The following GTF2IRD2B variants were observed in gnomAD, a reference collection of about 807,000 sequenced individuals.
GTF2IRD2B encodes the protein GTF2I repeat domain containing 2B.
A neutral mutation model predicts 55.6 loss-of-function variants in GTF2IRD2B; 10 were observed. The observed-to-expected ratio is 0.18, with a 90% CI of 0.11 to 0.31. The LOEUF (loss-of-function observed/expected upper bound fraction) is 0.31. Ranked by LOEUF, GTF2IRD2B falls within the 10% of genes least tolerant of loss-of-function variation. The pLI, the probability that GTF2IRD2B is intolerant of heterozygous loss-of-function variation, is 1.00. For missense variants in GTF2IRD2B, 206 were observed against 802.7 expected, an observed-to-expected ratio of 0.26 and a Z score of 8.98; for synonymous variants, 107 against 320.5, an observed-to-expected ratio of 0.33 and a Z score of 7.12.
intron 3 of GTF2IRD2B, among the ~76,000 whole-genome samples, chr7:75,119,232 G>C (rs372948767): frequency 4.0e-5 from 1 of 24,860 alleles, no homozygotes; most frequent in African/African-American, 1.4e-4. Flanking sequence ...AAAAAAAAAA[G>C]AATGAAATGA....
intron 8 of GTF2IRD2B, among the ~76,000 whole-genome samples, chr7:75,127,089 A>G (rs1808543163): frequency 6.6e-6 from 1 of 150,648 alleles, no homozygotes; most frequent in South Asian, 2.1e-4. Context: ...CTTTTGTTTT[A>G]TCAAATAAAT....
intron 3 of GTF2IRD2B, among the ~76,000 whole-genome samples, chr7:75,113,865 T>A (rs1438441280): frequency 7.3e-6 from 1 of 136,858 alleles, no homozygotes; most frequent in Admixed American, 7.5e-5. Context: ...GTATATAAAG[T>A]GTGTGTGTGT....
chr7:75,112,400 AAAG>A lies in GTF2IRD2B; in HGVS notation c.106_108del (p.Glu36del). 2 of 501,018 alleles carry A rather than the reference AAAG, an allele frequency of 4.0e-6. No individual in the cohort carries two copies. Among genetic ancestry groups the A allele is most frequent in the Non-Finnish European group, 6.9e-6 (2 of 291,334 alleles). The allele number at this position is 501,018 out of a possible 1,614,324, so 31.0% of individuals were successfully genotyped here. On this transcript the variant is annotated inframe_deletion, in exon 3 of 16. Transcript: ENST00000472837. ...TCGCTTTTTGTTTCTGTTTCAGTGT[AAAG>A]AACTGGCCAAGTCCAAGGCAGAAGT...
intron 4 of GTF2IRD2B, among the ~76,000 whole-genome samples, chr7:75,122,595 G>A (rs1341419083): frequency 2.7e-3 from 284 of 106,328 alleles, no homozygotes; most frequent in South Asian, 4.1e-3. Context: ...GTGAAACTCC[G>A]TCTCTACTAA....
intron 9 of GTF2IRD2B, among the ~76,000 whole-genome samples, chr7:75,134,309 G>C (rs1279185348): frequency 1.4e-5 from 2 of 140,062 alleles, no homozygotes; most frequent in Admixed American, 6.8e-5. Flanking sequence ...GATCGCTTGA[G>C]TCTGGGAGGT....
intron 4 of GTF2IRD2B, among the ~76,000 whole-genome samples, chr7:75,122,656 C>T (rs1203699255): frequency 9.0e-6 from 1 of 110,600 alleles, no homozygotes; most frequent in Admixed American, 9.9e-5. Context: ...ATGCCAGCTA[C>T]TCAGGAGGCA....
chr7:75,113,861 AAAGT>A (rs1808051474), intron 3 of GTF2IRD2B, among the ~76,000 whole-genome samples: 1 of 140,610 alleles, frequency 7.1e-6, no homozygotes, highest in African/African-American at 2.7e-5. Context: ...GAGGGTATAT[AAAGT>A]GTGTGTGTGT....
rs1261616750 is a variant in GTF2IRD2B at position 75,136,153 on chromosome 7, T to C, written c.806-632T>C. The stretch of plus-strand genomic sequence containing the variant: ...GAGACTGTCTCAATAATGATAATAA[T>C]AATAATAATAATAATAATAAAGATT... On this transcript the variant is annotated intron_variant, in intron 10 of 15. Transcript: ENST00000472837. 7.3e-5 allele frequency among the ~76,000 whole-genome samples: 9 copies of C among 123,396 alleles called. 1 individual carries two copies. Among genetic ancestry groups the C allele is most frequent in the African/African-American group, 1.5e-4 (4 of 26,432 alleles). The allele number at this position is 123,396 out of a possible 152,430, so 81.0% of individuals were successfully genotyped here.
At chr7:75,105,419 G>T (rs1441227652) in intron 1 of GTF2IRD2B, among the ~76,000 whole-genome samples, 4 of 152,410 alleles carry the variant, frequency 2.6e-5, no homozygotes, top group African/African-American at 9.6e-5. Flanking sequence ...CAGGAGAATC[G>T]CTCGAACCCA....
intron 3 of GTF2IRD2B, among the ~76,000 whole-genome samples, chr7:75,118,380 C>A (rs1290180457): frequency 6.6e-6 from 1 of 151,234 alleles, no homozygotes; most frequent in Non-Finnish European, 1.5e-5. Context: ...TTGCCAGCCA[C>A]CACATGGACA....
At chr7:75,103,643 C>T (rs1208123228) in intron 1 of GTF2IRD2B, among the ~76,000 whole-genome samples, 1 of 151,728 alleles carries the variant, frequency 6.6e-6, no homozygotes, top group Non-Finnish European at 1.5e-5. Context: ...CACCCATTTC[C>T]AGAGAGCAGG....
intron 3 of GTF2IRD2B, among the ~76,000 whole-genome samples, chr7:75,113,781 GGT>G (rs71519356): frequency 0.058 from 4,647 of 79,906 alleles, 188 homozygotes; most frequent in African/African-American, 0.12. Flanking sequence ...AGGGTATAAG[GGT>G]GTGTGTGTGT....
chr7:75,127,117 C>G (rs1554452545), intron 8 of GTF2IRD2B, among the ~76,000 whole-genome samples: 1 of 150,402 alleles, frequency 6.6e-6, no homozygotes, highest in East Asian at 1.9e-4. Flanking sequence ...TAAATAAAGA[C>G]CAGGGCGTGA....
In GTF2IRD2B at chr7:75,148,520, C is replaced by T. The variant is rs1554454602; in HGVS notation, c.2073C>T (p.Phe691=). ...ICSRGLNHSE[F]TTLLYELDSQ... ...CCCGGGGACTGAACCACAGCGAGTTCACAACCTTGCTCTATGAGCTGGACA... is the reference window on the plus strand; with the variant it reads ...CCCGGGGACTGAACCACAGCGAGTTTACAACCTTGCTCTATGAGCTGGACA... The change falls in exon 16 of 16, where the codon TTC becomes TTT. Residue 691 remains phenylalanine (F), a synonymous_variant. Coordinates refer to ENST00000472837, the MANE Select transcript of GTF2IRD2B (RefSeq NM_001003795.3). The T allele has an allele frequency of 6.2e-7, 1 of 1,610,210 alleles. No homozygotes were observed.
chr7:75,149,307 A>G lies in GTF2IRD2B; in HGVS notation c.*10A>G, dbSNP rs370251046. On this transcript the variant is annotated 3_prime_UTR_variant, in exon 16 of 16. Coordinates refer to ENST00000472837, the MANE Select transcript of GTF2IRD2B (RefSeq NM_001003795.3). Reference sequence around the variant, plus strand: ...CCACATCGCAACGTGATGGAGAGAAAACTCCTGGCAGGGCCCTATGGTGGG... The same window carrying G: ...CCACATCGCAACGTGATGGAGAGAAGACTCCTGGCAGGGCCCTATGGTGGG... 303 of 750,156 alleles carry G rather than the reference A, an allele frequency of 4.0e-4. 1 individual carries two copies. The African/African-American group carries it at 4.9e-3, about 12-fold the overall frequency. 46.5% of individuals were successfully genotyped at this position (750,156 alleles called of 1,614,324 possible).
chr7:75,117,910 C>G (rs1207857203), intron 3 of GTF2IRD2B, among the ~76,000 whole-genome samples: 3 of 152,182 alleles, frequency 2.0e-5, no homozygotes, highest in Admixed American at 1.3e-4. Context: ...TGGCGAAACC[C>G]CATCTGTACT....
At chr7:75,126,739 G>A (rs1554452493) in intron 8 of GTF2IRD2B, among the ~76,000 whole-genome samples, 3 of 149,498 alleles carry the variant, frequency 2.0e-5, no homozygotes, top group Non-Finnish European at 3.0e-5. Context: ...GATCACGCCT[G>A]TAATCCCAGC....
chr7:75,114,282 A>T (rs1808069609), intron 3 of GTF2IRD2B, among the ~76,000 whole-genome samples: 1 of 151,598 alleles, frequency 6.6e-6, no homozygotes, highest in Non-Finnish European at 1.5e-5. Context: ...TTAATGTCAG[A>T]TGCCAGTTGA....
In GTF2IRD2B at chr7:75,123,221, T is replaced by G. The variant is rs140040812; in HGVS notation, c.444T>G (p.Leu148=). ...RDQSAVVVQG[L]PEGVAFQHPE... is the part of the protein sequence containing the mutation. ...AGTCGGCTGTGGTAGTGCAGGGGCTTCCGGAAGGCGTTGCCTTTCAACACC... is the reference window on the plus strand; with the variant it reads ...AGTCGGCTGTGGTAGTGCAGGGGCTGCCGGAAGGCGTTGCCTTTCAACACC... The change falls in exon 5 of 16, where the codon CTT becomes CTG. Residue 148 remains leucine, a synonymous_variant. Transcript: ENST00000472837. The G allele has an allele frequency of 0.019, 28,015 of 1,497,956 alleles. 712 individuals are homozygous for G. The highest frequency in any genetic ancestry group is 0.074 in the African/African-American group (4,509 of 60,556). The allele number at this position is 1,497,956 out of a possible 1,614,324, so 92.8% of individuals were successfully genotyped here. A position where few individuals can be genotyped will look rare whatever the true frequency, so the allele number is the denominator to read the frequency against.
Sources: gnomAD v4.1 joint callset for allele counts (sites outside exome capture counted in the v4.1 genomes callset) on GRCh38, gnomAD v4.1.1 for gene constraint, MANE v1.5 for transcripts, NCBI Gene and HGNC (gene_info 2026-07-23, HGNC 2026-07-21) for gene names.